The following TENM4 variants were observed in gnomAD, a reference collection of about 807,000 sequenced individuals.
The protein encoded by TENM4 is teneurin transmembrane protein 4.
A neutral mutation model predicts 243.3 loss-of-function variants in TENM4; 82 were observed. The observed-to-expected ratio is 0.34, with a 90% confidence interval of 0.28 to 0.40. TENM4 has a LOEUF of 0.40. TENM4 is among the 10% of genes least tolerant of loss of function. The probability of loss-of-function intolerance (pLI) is 1.00; values close to 1 mark genes in which losing one functional copy is unlikely to be tolerated. For missense variants in TENM4, 3,138 were observed against 3,673.3 expected, an observed-to-expected ratio of 0.85 and a Z score of 3.77; for synonymous variants, 1,412 against 1,456.3, an observed-to-expected ratio of 0.97 and a Z score of 0.69.
intron 2 of TENM4, among the ~76,000 whole-genome samples, chr11:79,287,301 G>A (rs1856274156): frequency 6.6e-6 from 1 of 152,136 alleles, no homozygotes; most frequent in Non-Finnish European, 1.5e-5. Flanking sequence ...AGATGGAATA[G>A]GTGAAGTACC....
intron 6 of TENM4, among the ~76,000 whole-genome samples, chr11:78,997,168 G>A (rs1014885294): frequency 2.0e-5 from 3 of 152,156 alleles, no homozygotes; most frequent in African/African-American, 7.2e-5. Context: ...ATAGTGTTTG[G>A]TACATGGTAA....
intron 4 of TENM4, among the ~76,000 whole-genome samples, chr11:79,070,662 G>T (rs867457597): frequency 2.6e-5 from 4 of 152,144 alleles, no homozygotes; most frequent in African/African-American, 9.7e-5. Flanking sequence ...CTAGCACCTC[G>T]AACAAGGGCT....
At chr11:79,389,747 T>C (rs1006650167) in intron 1 of TENM4, among the ~76,000 whole-genome samples, 1 of 152,240 alleles carries the variant, frequency 6.6e-6, no homozygotes, top group African/African-American at 2.4e-5. Flanking sequence ...CAAAAAGAAG[T>C]TCCATTTCTC....
chr11:79,012,668 G>T (rs1365590471), intron 6 of TENM4, among the ~76,000 whole-genome samples: 1 of 152,192 alleles, frequency 6.6e-6, no homozygotes, highest in East Asian at 1.9e-4. Context: ...CGAGATATAG[G>T]AGGAGGTACA....
intron 9 of TENM4, among the ~76,000 whole-genome samples, chr11:78,877,016 T>G (rs1859284246): frequency 6.6e-6 from 1 of 152,212 alleles, no homozygotes; most frequent in Admixed American, 6.5e-5. Context: ...ACTTAGATAC[T>G]AATTGACATT....
Position 79,051,630 on chromosome 11 carries a change from A to T in TENM4, c.493+13108T>A, listed in dbSNP as rs538336741. Among the ~76,000 whole-genome samples, 6 of 152,310 alleles carry T rather than the reference A, an allele frequency of 3.9e-5. No individual in the cohort carries two copies. In the East Asian group the frequency reaches 1.2e-3, roughly 29 times the overall value. Reference sequence around the variant, plus strand: ...CTTATGCTTTCGAGGCTTGAATTTCATCAGCTCTAAAATGGGAATAACAAC... The same window carrying T: ...CTTATGCTTTCGAGGCTTGAATTTCTTCAGCTCTAAAATGGGAATAACAAC... On this transcript the variant is annotated intron_variant, in intron 6 of 33. Transcript: ENST00000278550.
At chr11:79,408,130 C>G (rs1419337431) in intron 1 of TENM4, among the ~76,000 whole-genome samples, 1 of 152,198 alleles carries the variant, frequency 6.6e-6, no homozygotes, top group Non-Finnish European at 1.5e-5. Context: ...TATCGAACTC[C>G]TGACCTCAAG....
intron 6 of TENM4, among the ~76,000 whole-genome samples, chr11:78,963,643 G>A (rs1857377428): frequency 6.6e-6 from 1 of 152,110 alleles, no homozygotes; most frequent in African/African-American, 2.4e-5. Context: ...GCAGGGTAGG[G>A]TGGGAAGCTT....
At chr11:79,246,016 T>C (rs1287426766) in intron 2 of TENM4, among the ~76,000 whole-genome samples, 1 of 113,282 alleles carries the variant, frequency 8.8e-6, no homozygotes, top group Admixed American at 9.0e-5. Context: ...AGAGAGTGAG[T>C]GAGAGAGAAA....
intron 17 of TENM4, among the ~76,000 whole-genome samples, chr11:78,772,117 G>C (rs1370954331): frequency 6.6e-6 from 1 of 152,150 alleles, no homozygotes; most frequent in Non-Finnish European, 1.5e-5. Context: ...TGATCAAGAA[G>C]GGTCAGGCAA....
intron 3 of TENM4, among the ~76,000 whole-genome samples, chr11:79,202,945 A>C (rs990779491): frequency 6.6e-6 from 1 of 152,192 alleles, no homozygotes; most frequent in African/African-American, 2.4e-5. Flanking sequence ...TCTTGGTTTA[A>C]TTTGTCCTCA....
In TENM4 at chr11:79,148,974, C is replaced by T. The variant is rs72935348; in HGVS notation, c.-162-168G>A. 6.5e-3 allele frequency among the ~76,000 whole-genome samples: 988 copies of T among 152,158 alleles called. 4 individuals are homozygous for T. Among genetic ancestry groups the T allele is most frequent in the Non-Finnish European group, 0.011 (742 of 67,974 alleles). ...CAAGCTGAAGTCTAGTGTTTGAACG[C>T]TCAGAGGAAAGATGCAACTAAAGTA... is the stretch of plus-strand genomic sequence containing the variant. On this transcript the variant is annotated intron_variant, in intron 3 of 33. Transcript: ENST00000278550.
rs77004339 is a variant in TENM4, at chr11:78,911,512, C to A, written c.494-7989G>T. Among the ~76,000 whole-genome samples the A allele has an allele frequency of 9.1e-3, 1,392 of 152,284 alleles. 20 individuals carry two copies. The highest frequency in any genetic ancestry group is 0.032 in the African/African-American group (1,325 of 41,548). On this transcript the variant is annotated intron_variant, in intron 6 of 33. Transcript: ENST00000278550. ...TAGGAAGAGAGAGAGGCTGGAGTAA[C>A]CTTCTTGCTATTGTTTGGATGTGTA... is the stretch of plus-strand genomic sequence containing the variant.
chr11:79,376,720 A>C (rs1857899543), intron 1 of TENM4, among the ~76,000 whole-genome samples: 1 of 152,210 alleles, frequency 6.6e-6, no homozygotes, highest in Non-Finnish European at 1.5e-5. Context: ...CCCCAGGACA[A>C]GAATGGCACC....
chr11:79,376,663 T>C (rs1369135606), intron 1 of TENM4, among the ~76,000 whole-genome samples: 1 of 152,158 alleles, frequency 6.6e-6, no homozygotes, highest in Non-Finnish European at 1.5e-5. Context: ...GGTCCCAACA[T>C]CTCCAATTTA....
chr11:78,790,187 G>C (rs1026282715), intron 15 of TENM4, among the ~76,000 whole-genome samples: 1 of 152,150 alleles, frequency 6.6e-6, no homozygotes, highest in African/African-American at 2.4e-5. Context: ...GCATTCAAAA[G>C]ATTATCCAAA....
At chr11:78,839,341 C>A (rs1290544034) in intron 12 of TENM4, among the ~76,000 whole-genome samples, 1 of 152,104 alleles carries the variant, frequency 6.6e-6, no homozygotes, top group African/African-American at 2.4e-5. Context: ...TAAAATTTTG[C>A]AGTTTTTGTC....
At chr11:78,814,164 T>C (rs973831261) in intron 13 of TENM4, 130 bp downstream of exon 13, 17 of 786,652 alleles carry the variant, frequency 2.2e-5, no homozygotes, top group African/African-American at 3.6e-5. Context: ...TTCTGGAGAA[T>C]GGCCCTTGGA....
intron 4 of TENM4, among the ~76,000 whole-genome samples, chr11:79,139,741 A>AT (rs1325064934): frequency 1.7e-5 from 1 of 58,848 alleles, no homozygotes; most frequent in Non-Finnish European, 3.4e-5. Context: ...ATATTTATAT[A>AT]AATATATAAT....
Sources: gnomAD v4.1 joint callset for allele counts (sites outside exome capture counted in the v4.1 genomes callset) on GRCh38, gnomAD v4.1.1 for gene constraint, MANE v1.5 for transcripts, NCBI Gene and HGNC (gene_info 2026-07-23, HGNC 2026-07-21) for gene names.